ATRX: variants seen among roughly 807,000 people sequenced by gnomAD.
ATRX encodes ATRX chromatin remodeler, also known as chromatin remodeler ATRX.
ATRX carries 12 observed loss-of-function variants against 172.6 expected under a neutral mutation model. That is an observed-to-expected ratio of 0.07 (90% CI 0.04 to 0.11). ATRX has a LOEUF of 0.11. Ranked by LOEUF, ATRX falls within the 10% of genes least tolerant of loss-of-function variation. ATRX has a pLI of 1.00. For synonymous variants in ATRX, 674 were observed against 594.7 expected, an observed-to-expected ratio of 1.13 and a Z score of -1.94; for missense variants, 1,368 against 1,767.4, an observed-to-expected ratio of 0.77 and a Z score of 4.05.
chrX:77,778,531 G>A (rs1338782441), intron 1 of ATRX, among the ~76,000 whole-genome samples: 1 of 110,104 alleles, frequency 9.1e-6, no homozygotes, highest in African/African-American at 3.3e-5. Context: ...GACCATCCTG[G>A]CCAACACGGT....
intron 10 of ATRX, among the ~76,000 whole-genome samples, chrX:77,668,735 A>G (rs1459794118): frequency 9.0e-6 from 1 of 110,981 alleles, no homozygotes; most frequent in African/African-American, 3.3e-5. Context: ...TAAGTCTTCC[A>G]AAGTACATAA....
chrX:77,523,025 T>C (rs1295204733), intron 31 of ATRX, among the ~76,000 whole-genome samples: 3 of 111,010 alleles, frequency 2.7e-5, no homozygotes, highest in African/African-American at 9.8e-5. Context: ...TAGGCAGAAA[T>C]GGGATTACTA....
chrX:77,633,995 T>C, intron 17 of ATRX: 2 of 266,786 alleles, frequency 7.5e-6, no homozygotes, highest in East Asian at 7.2e-5. Flanking sequence ...AATGTCCCTA[T>C]AGTCTTTCAA....
At chrX:77,631,297 G>A (rs1246568474) in intron 19 of ATRX, among the ~76,000 whole-genome samples, 1 of 110,445 alleles carries the variant, frequency 9.1e-6, no homozygotes, top group African/African-American at 3.3e-5. Flanking sequence ...CTAAATAAAT[G>A]GGTAAGAAAA....
chrX:77,748,870 A>T (rs2075195944), intron 1 of ATRX, among the ~76,000 whole-genome samples: 1 of 111,802 alleles, frequency 8.9e-6, no homozygotes, highest in South Asian at 3.7e-4. Flanking sequence ...TATAGGCATA[A>T]GCAACAGCAC....
chrX:77,719,121 C>T (rs1488900948), intron 1 of ATRX, among the ~76,000 whole-genome samples: 3 of 111,024 alleles, frequency 2.7e-5, no homozygotes, highest in African/African-American at 6.5e-5. Context: ...AAAGTCAAAA[C>T]TTTTGCATGT....
At chrX:77,717,389 C>G (rs1176730097) in intron 1 of ATRX, 146 bp from the exon 2 acceptor site, 1 of 491,406 alleles carries the variant, frequency 2.0e-6, no homozygotes, top group East Asian at 3.8e-5. Context: ...GGAAATGTTA[C>G]AGTTGTGGGT....
intron 1 of ATRX, among the ~76,000 whole-genome samples, chrX:77,764,283 A>G (rs1557194375): frequency 1.8e-5 from 2 of 111,992 alleles, no homozygotes; most frequent in South Asian, 7.4e-4. Flanking sequence ...GTTTTTATGA[A>G]CAGTTACTTC....
At chrX:77,580,106 T>C (rs1223336615) in intron 27 of ATRX, among the ~76,000 whole-genome samples, 1 of 110,554 alleles carries the variant, frequency 9.0e-6, no homozygotes, top group Non-Finnish European at 1.9e-5. Context: ...TACTTGAAAA[T>C]ACACAGTCAC....
At chrX:77,611,303 T>C (rs1204855706) in intron 22 of ATRX, among the ~76,000 whole-genome samples, 1 of 111,609 alleles carries the variant, frequency 9.0e-6, no homozygotes, top group Admixed American at 9.6e-5. Flanking sequence ...GAAATTAATT[T>C]TGACGTCCCT....
intron 7 of ATRX, among the ~76,000 whole-genome samples, 195 bp downstream of exon 7, chrX:77,688,623 G>A (rs186976775): frequency 7.2e-4 from 80 of 111,430 alleles, no homozygotes; most frequent in African/African-American, 1.5e-3. Flanking sequence ...ACAGGCTTCC[G>A]GTGTGCTCCC....
chrX:77,571,386 C>T (rs1230144688), intron 28 of ATRX, among the ~76,000 whole-genome samples: 2 of 111,845 alleles, frequency 1.8e-5, no homozygotes, highest in African/African-American at 6.5e-5. Flanking sequence ...AAGGAACAAA[C>T]TATTGATACA....
At position 77,520,867 on chromosome X, in the gene ATRX, A is replaced by G; in HGVS notation, c.7121T>C (p.Leu2374Ser). The change falls in exon 34 of 35, where the codon TTA becomes TCA. Residue 2374 changes from leucine (L) to serine (S), a missense_variant. Leu to Ser is a moderately radical substitution (Grantham distance 145, BLOSUM62 -2). Transcript: ENST00000373344. ...AAGCTCCTGGCTGGCTTGTCTACTT[A>G]ATGCTAACGCCTGTACTTGGGCCTC... ...LSEAQVQALA[L>S]SRQASQELDV... is the part of the protein sequence containing the mutation. The G allele has an allele frequency of 8.3e-7, 1 of 1,209,632 alleles. No individual in the cohort carries two copies. Among genetic ancestry groups the G allele is most frequent in the Non-Finnish European group, 1.1e-6 (1 of 893,685 alleles).
At chrX:77,594,517 T>A (rs2066403614) in intron 25 of ATRX, 1 of 112,588 alleles carries the variant, frequency 8.9e-6, no homozygotes, top group African/African-American at 3.2e-5. Flanking sequence ...TTTAGCATGT[T>A]TATACACTTT....
At chrX:77,692,378 C>T (rs2071940807) in intron 6 of ATRX, among the ~76,000 whole-genome samples, 1 of 111,875 alleles carries the variant, frequency 8.9e-6, no homozygotes, top group South Asian at 3.8e-4. Flanking sequence ...ATTCCTTATG[C>T]TCAAAAGGAG....
chrX:77,512,594 C>T (rs782013186), intron 34 of ATRX, among the ~76,000 whole-genome samples: 6 of 112,347 alleles, frequency 5.3e-5, no homozygotes, highest in Non-Finnish European at 7.5e-5. Flanking sequence ...TCATGCCGGG[C>T]GCGGTGGCTC....
chrX:77,739,376 CATAATCAGATATATATATAT>C (rs1189593008), intron 1 of ATRX, among the ~76,000 whole-genome samples: 7 of 108,186 alleles, frequency 6.5e-5, no homozygotes, highest in Non-Finnish European at 1.3e-4. Context: ...GATATATATA[CATAATCAGATATATATATAT>C]ATAATCAGAT....
chrX:77,622,835 G>A (rs1028749322), intron 19 of ATRX, among the ~76,000 whole-genome samples: 5 of 110,368 alleles, frequency 4.5e-5, no homozygotes, highest in African/African-American at 1.3e-4. Flanking sequence ...TTCGGTTTGC[G>A]TGGGAGCTGA....
intron 27 of ATRX, among the ~76,000 whole-genome samples, chrX:77,584,941 G>T (rs1362323641): frequency 1.8e-5 from 2 of 109,985 alleles, no homozygotes; most frequent in African/African-American, 6.6e-5. Context: ...AATATATAAA[G>T]AACTCAAACA....
Sources: gnomAD v4.1 joint callset for allele counts (sites outside exome capture counted in the v4.1 genomes callset) on GRCh38, gnomAD v4.1.1 for gene constraint, MANE v1.5 for transcripts, NCBI Gene and HGNC (gene_info 2026-07-23, HGNC 2026-07-21) for gene names.